Variants in MUC12 observed in about 807,000 individuals in gnomAD.
MUC12 encodes the protein mucin 12, cell surface associated.
A neutral mutation model predicts 230.8 loss-of-function variants in MUC12; 172 were observed. The observed-to-expected ratio is 0.75, with a 90% CI of 0.66 to 0.85. The LOEUF (loss-of-function observed/expected upper bound fraction) is 0.85, where lower values mean the gene tolerates loss of function less well. Ranked by LOEUF, MUC12 falls within the 40% of genes least tolerant of loss-of-function variation. The probability of loss-of-function intolerance (pLI) is 0.00; values close to 1 mark genes in which losing one functional copy is unlikely to be tolerated. For synonymous variants in MUC12, 1,259 were observed against 2,401.9 expected (o/e 0.52, Z 13.91); for missense variants, 3,506 against 5,920.6 (o/e 0.59, Z 13.38).
At chr7:100,987,797 A>G (rs911817435) in intron 1 of MUC12, among the ~76,000 whole-genome samples, 2 of 151,558 alleles carry the variant, frequency 1.3e-5, no homozygotes, top group Admixed American at 1.3e-4. Flanking sequence ...ACATGGAGAA[A>G]CCCCACCTCT....
Position 100,990,654 on chromosome 7 carries a change from G to C in MUC12, c.91G>C (p.Gly31Arg). The C allele has an allele frequency of 6.5e-7, 1 of 1,537,502 alleles. No homozygotes were observed. Among genetic ancestry groups the C allele is most frequent in the Non-Finnish European group, 8.7e-7 (1 of 1,146,946 alleles). Residue 31 changes from glycine to arginine, a missense_variant, in exon 2 of 12, where the codon GGA becomes CGA. By Grantham distance (125) the Gly-to-Arg change is moderately radical. Coordinates refer to ENST00000536621, the MANE Select transcript of MUC12 (RefSeq NM_001164462.2). ...AGGCTCAACAGTAAACACCAGTATT[G>C]GAGGTAATACAACTTCTGCATCCAC... ...TPGSTVNTSI[G>R]GNTTSASTPS... is the part of the protein sequence containing the mutation.
Position 100,992,370 on chromosome 7 carries a change from G to A in MUC12, c.1807G>A (p.Glu603Lys), listed in dbSNP as rs773019796. 9.1e-6 allele frequency: 14 copies of A among 1,536,650 alleles called. No homozygotes were observed. The highest frequency in any genetic ancestry group is 1.2e-5 in the Non-Finnish European group (14 of 1,146,036). The change falls in exon 2 of 12, where the codon GAA becomes AAA. Residue 603 changes from glutamate to lysine, a missense_variant. By Grantham distance (56) the Glu-to-Lys change is moderately conservative (BLOSUM62 1). Transcript: ENST00000536621. ...CAACACCACAGCCTCAGGACTCCTT[G>A]AAGCATCTATGCCCGTCCACAGCAG... ...PDNTTASGLL[E>K]ASMPVHSSTR...
chr7:100,989,357 T>A (rs1793243711), intron 1 of MUC12, among the ~76,000 whole-genome samples: 1 of 152,092 alleles, frequency 6.6e-6, no homozygotes, highest in Admixed American at 6.6e-5. Flanking sequence ...ATCTGCCACC[T>A]CGGCATCCCA....
In MUC12 at chr7:100,991,551, T is replaced by TC; in HGVS notation, c.989dup (p.Thr331AspfsTer26). On this transcript the variant is annotated frameshift_variant, in exon 2 of 12. Coordinates refer to ENST00000536621, the MANE Select transcript of MUC12 (RefSeq NM_001164462.2). LOFTEE classifies it high-confidence loss of function. Reference sequence around the variant, plus strand: ...CACAACCTTGGGCCATAGTGAGGAATCGACACCAGTCCACAGCAGCCCAGT... The same window carrying TC: ...CACAACCTTGGGCCATAGTGAGGAATCCGACACCAGTCCACAGCAGCCCAGT... 1.3e-6 allele frequency: 2 copies of TC among 1,537,322 alleles called. No homozygotes were observed. Among genetic ancestry groups the TC allele is most frequent in the East Asian group, 4.9e-5 (2 of 40,890 alleles).
chr7:100,984,136 GAC>G (rs987341301), intron 1 of MUC12, among the ~76,000 whole-genome samples: 1 of 152,130 alleles, frequency 6.6e-6, no homozygotes, highest in Non-Finnish European at 1.5e-5. Context: ...AATTGGATAT[GAC>G]ACATACAAAT....
At position 101,004,917 on chromosome 7, in the gene MUC12, C is replaced by G. The variant is rs777793521; in HGVS notation, c.14354C>G (p.Thr4785Ser). The part of the protein sequence containing the change: ...STHTTAFPAS[T>S]TTSGLSQEST... ...CACACAACAGCGTTCCCTGCCAGCACCACCACCTCAGGCCTCAGTCAGGAA... is the reference window on the plus strand; with the variant it reads ...CACACAACAGCGTTCCCTGCCAGCAGCACCACCTCAGGCCTCAGTCAGGAA... Residue 4785 changes from threonine to serine, a missense_variant, in exon 2 of 12, where the codon ACC becomes AGC. Physicochemically the swap from Thr to Ser is moderately conservative, Grantham distance 58 (BLOSUM62 1). Coordinates refer to ENST00000536621, the MANE Select transcript of MUC12 (RefSeq NM_001164462.2). 5.2e-6 allele frequency: 8 copies of G among 1,537,914 alleles called. No individual in the cohort carries two copies. The highest frequency in any genetic ancestry group is 7.0e-6 in the Non-Finnish European group (8 of 1,147,058).
rs1416554206 is a variant in MUC12, at chr7:101,003,436, C to G, written c.12873C>G (p.Thr4291=). 7 of 1,512,776 alleles carry G rather than the reference C, an allele frequency of 4.6e-6. No homozygotes were observed. The highest frequency in any genetic ancestry group is 3.2e-5 in the African/African-American group (2 of 62,762). The allele number at this position is 1,512,776 out of a possible 1,614,324, so 93.7% of individuals were successfully genotyped here. ...AAACAACACTCTTACCTGACAACAC[C>G]ACAGCCTCAGGCCTCCTTGAAGCAT... ...STETTLLPDN[T]TASGLLEAST... Residue 4291 remains threonine, a synonymous_variant, in exon 2 of 12, where the codon ACC becomes ACG. Coordinates refer to ENST00000536621, the MANE Select transcript of MUC12 (RefSeq NM_001164462.2).
chr7:101,017,437 C>G (rs1793949355), intron 10 of MUC12, 138 bp from the exon 11 acceptor site: 1 of 618,656 alleles, frequency 1.6e-6, no homozygotes, highest in Admixed American at 2.8e-5. Context: ...GATGCAGGGT[C>G]GGAGGGGTGG....
rs1397137479 is a variant in MUC12, at chr7:100,992,545, C to T, written c.1982C>T (p.Ser661Phe). The T allele has an allele frequency of 1.6e-5, 25 of 1,537,968 alleles. No homozygotes were observed. The East Asian group carries it at 5.9e-4, about 36-fold the overall frequency. Residue 661 changes from serine (S) to phenylalanine (F), a missense_variant, in exon 2 of 12, where the codon TCC becomes TTC. By Grantham distance (155) the Ser-to-Phe change is radical. Transcript: ENST00000536621. ...TSAFVEPSTT[S>F]HGSPSSIPTT... ...GCCTTTGTTGAGCCATCTACAACCT[C>T]CCACGGCAGCCCGAGCTCAATTCCA... is the stretch of plus-strand genomic sequence containing the variant.
At chr7:100,981,656 T>C in intron 1 of MUC12, 1 of 410,894 alleles carries the variant, frequency 2.4e-6, no homozygotes, top group Non-Finnish European at 4.3e-6. Flanking sequence ...AAGGACAAAC[T>C]GAATGGTAAC....
chr7:101,015,492 G>C (rs368857543), intron 9 of MUC12, 123 bp from the exon 10 acceptor site: 1 of 755,792 alleles, frequency 1.3e-6, no homozygotes, highest in African/African-American at 1.7e-5. Context: ...TGCCATCATC[G>C]CTGCCATCTC....
At position 100,983,566 on chromosome 7, in the gene MUC12, C is replaced by A. The variant is rs1330772510; in HGVS notation, c.68-7065C>A. On this transcript the variant is annotated intron_variant, in intron 1 of 11. Coordinates refer to ENST00000536621, the MANE Select transcript of MUC12 (RefSeq NM_001164462.2). ...CTGAGAAAGTCTAATTAAGCCTCTA[C>A]AGGGCCAACTGAACAGGGCAGAAAT... is the stretch of plus-strand genomic sequence containing the variant. Among the ~76,000 whole-genome samples, 3 of 152,308 alleles carry A rather than the reference C, an allele frequency of 2.0e-5. No homozygotes were observed. In the South Asian group the frequency reaches 6.2e-4, roughly 32 times the overall value.
rs1225007467 is a variant in MUC12 at position 101,018,715 on chromosome 7, C to G, written c.*79C>G. ...CAGAGCCCACCACAAGCCTCCGGGG[C>G]GGGTCAAGAGGAGACCGAAGTCAGG... On this transcript the variant is annotated 3_prime_UTR_variant, in exon 12 of 12. Transcript: ENST00000536621. 6.9e-7 allele frequency: 1 copy of G among 1,440,652 alleles called. No individual in the cohort carries two copies. Among genetic ancestry groups the G allele is most frequent in the African/African-American group, 1.4e-5 (1 of 70,630 alleles). The allele number at this position is 1,440,652 out of a possible 1,614,324, so 89.2% of individuals were successfully genotyped here. A position where few individuals can be genotyped will look rare whatever the true frequency, so the allele number is the denominator to read the frequency against.
chr7:100,972,077 G>T (rs754480839), intron 1 of MUC12: 1 of 702,834 alleles, frequency 1.4e-6, no homozygotes, highest in South Asian at 1.5e-5. Context: ...GGCTCCGGAA[G>T]ATCTGATTAG....
chr7:100,998,356 G>A lies in MUC12; in HGVS notation c.7793G>A (p.Gly2598Asp), dbSNP rs1793529978. ...THFPASSTTSGHSEKSTIFHS... is the reference protein window; with the variant it reads ...THFPASSTTSDHSEKSTIFHS... ...TTCCCTGCCAGCTCCACAACTTCGG[G>A]CCACAGTGAGAAATCAACAATATTC... The change falls in exon 2 of 12, where the codon GGC (glycine) becomes GAC (aspartate). Residue 2598 changes from glycine (G) to aspartate (D), a missense_variant. Gly to Asp is a moderately conservative substitution (Grantham distance 94). Coordinates refer to ENST00000536621, the MANE Select transcript of MUC12 (RefSeq NM_001164462.2). 9.2e-7 allele frequency: 1 copy of A among 1,091,350 alleles called. No homozygotes were observed. Among genetic ancestry groups the A allele is most frequent in the African/African-American group, 1.8e-5 (1 of 55,748 alleles). The allele number at this position is 1,091,350 out of a possible 1,614,324, so 67.6% of individuals were successfully genotyped here. A position where few individuals can be genotyped will look rare whatever the true frequency, so the allele number is the denominator to read the frequency against.
In MUC12 at chr7:100,991,254, A is replaced by G. The variant is rs1284978786; in HGVS notation, c.691A>G (p.Thr231Ala). 2.0e-6 allele frequency: 3 copies of G among 1,537,608 alleles called. No individual in the cohort carries two copies. Among genetic ancestry groups the G allele is most frequent in the East Asian group, 4.9e-5 (2 of 40,918 alleles). ...STTFHSSPGY[T>A]KTTRLPDNTT... ...TACCTTCCACAGCAGCCCAGGCTAC[A>G]CTAAAACAACACGCTTACCTGACAA... The change falls in exon 2 of 12, where the codon ACT becomes GCT. Residue 231 changes from threonine (T) to alanine (A), a missense_variant. By Grantham distance (58) the Thr-to-Ala change is moderately conservative. Coordinates refer to ENST00000536621, the MANE Select transcript of MUC12 (RefSeq NM_001164462.2).
intron 9 of MUC12, 144 bp from the exon 10 acceptor site, chr7:101,015,471 T>A: frequency 1.5e-6 from 1 of 675,090 alleles, no homozygotes; most frequent in South Asian, 1.9e-5. Flanking sequence ...GTGATGCTAC[T>A]TTTTGTTCTC....
At position 100,992,998 on chromosome 7, in the gene MUC12, G is replaced by T. The variant is rs776298974; in HGVS notation, c.2435G>T (p.Gly812Val). The T allele has an allele frequency of 6.5e-7, 1 of 1,537,174 alleles. No homozygotes were observed. The highest frequency in any genetic ancestry group is 8.7e-7 in the Non-Finnish European group (1 of 1,147,018). The change falls in exon 2 of 12, where the codon GGC (glycine) becomes GTC (valine). Residue 812 changes from glycine (G) to valine (V), a missense_variant. Transcript: ENST00000536621. ...TCAATGGAAACGACAGCGTTACCCG[G>T]CAGTACCACAACGCCAGGCCTCAGT... ...SGSMETTALP[G>V]STTTPGLSER...
Position 101,015,759 on chromosome 7 carries a change from G to A in MUC12, c.15877+68G>A. 12 of 1,387,900 alleles carry A rather than the reference G, an allele frequency of 8.6e-6. No individual in the cohort carries two copies. The South Asian group carries it at 1.5e-4, about 17-fold the overall frequency. The allele number at this position is 1,387,900 out of a possible 1,614,324, so 86.0% of individuals were successfully genotyped here. Reference sequence around the variant, plus strand: ...TGAAGAAAGGCAGGGCGGTGCCTGTGCCTGTGGGGGTGACGTGGGGTCCAG... The same window carrying A: ...TGAAGAAAGGCAGGGCGGTGCCTGTACCTGTGGGGGTGACGTGGGGTCCAG... On this transcript the variant is annotated intron_variant, in intron 10 of 11. Transcript: ENST00000536621.
Sources: allele counts gnomAD v4.1 joint callset (sites outside exome capture counted in the v4.1 genomes callset), GRCh38; gene constraint gnomAD v4.1.1; transcripts MANE v1.5; gene names NCBI Gene and HGNC (gene_info 2026-07-23, HGNC 2026-07-21).